HS3ST4: variants seen among roughly 807,000 people sequenced by gnomAD.
HS3ST4 encodes heparan sulfate glucosamine 3-O-sulfotransferase 4.
Under a neutral mutation model 29.2 loss-of-function variants are expected in HS3ST4, and 17 were observed. The ratio of observed to expected loss-of-function variants is 0.58; its 90% CI spans 0.40 to 0.87. The LOEUF (loss-of-function observed/expected upper bound fraction) is 0.87. HS3ST4 is among the 40% of genes least tolerant of loss of function. The probability of loss-of-function intolerance (pLI) is 0.00; values close to 1 mark genes in which losing one functional copy is unlikely to be tolerated. For missense variants in HS3ST4, 627 were observed against 634.5 expected (o/e 0.99, Z 0.13); for synonymous variants, 314 against 285.7 (o/e 1.10, Z -1.00).
chr16:25,722,593 C>T (rs563009752), intron 1 of HS3ST4, among the ~76,000 whole-genome samples: 1 of 152,176 alleles, frequency 6.6e-6, no homozygotes, highest in African/African-American at 2.4e-5. Flanking sequence ...CAGGCTATTT[C>T]AAGTGGATTT....
At chr16:26,011,484 C>T (rs1208172413) in intron 1 of HS3ST4, among the ~76,000 whole-genome samples, 1 of 152,150 alleles carries the variant, frequency 6.6e-6, no homozygotes, top group East Asian at 1.9e-4. Flanking sequence ...TGCTTGAACG[C>T]AGGATGCAGA....
intron 1 of HS3ST4, among the ~76,000 whole-genome samples, chr16:25,792,341 T>C (rs931518969): frequency 6.6e-6 from 1 of 151,990 alleles, no homozygotes; most frequent in Admixed American, 6.6e-5. Context: ...CTGTTATTTT[T>C]TTCCCTTCAG....
chr16:26,033,637 G>A (rs1459443385), intron 1 of HS3ST4, among the ~76,000 whole-genome samples: 1 of 152,072 alleles, frequency 6.6e-6, no homozygotes, highest in Non-Finnish European at 1.5e-5. Flanking sequence ...TGGGAAGCTC[G>A]CTTGAGCACA....
chr16:25,843,986 A>G (rs758873440), intron 1 of HS3ST4, among the ~76,000 whole-genome samples: 14 of 152,226 alleles, frequency 9.2e-5, no homozygotes, highest in African/African-American at 2.4e-4. Context: ...ATTTTGCTCC[A>G]GTGTAAACTT....
chr16:25,893,932 C>A (rs141690578), intron 1 of HS3ST4, among the ~76,000 whole-genome samples: 385 of 152,306 alleles, frequency 2.5e-3, no homozygotes, highest in African/African-American at 8.9e-3. Flanking sequence ...ACTTATCAGG[C>A]CAGCCAGTAG....
intron 1 of HS3ST4, among the ~76,000 whole-genome samples, chr16:25,700,284 A>G (rs1966326152): frequency 6.6e-6 from 1 of 152,158 alleles, no homozygotes; most frequent in Non-Finnish European, 1.5e-5. Flanking sequence ...GTGGACTTCC[A>G]TGCTGACATT....
rs78851357 is a variant in HS3ST4 at position 26,131,880 on chromosome 16, T to C, written c.735-3732T>C. Among the ~76,000 whole-genome samples the C allele has an allele frequency of 7.5e-3, 1,140 of 152,320 alleles. 11 individuals carry two copies. Among genetic ancestry groups the C allele is most frequent in the African/African-American group, 0.026 (1,081 of 41,556 alleles). ...ATCTATTCACTCAACAGATAGGCACTGAGAACCTGTTATTTGCCAGGACCT... is the reference window on the plus strand; with the variant it reads ...ATCTATTCACTCAACAGATAGGCACCGAGAACCTGTTATTTGCCAGGACCT... On this transcript the variant is annotated intron_variant, in intron 1 of 1. Transcript: ENST00000331351.
chr16:26,002,932 C>A (rs117219984), intron 1 of HS3ST4, among the ~76,000 whole-genome samples: 9,088 of 146,838 alleles, frequency 0.062, 351 homozygotes, highest in Non-Finnish European at 0.092. Context: ...TTCCTAGATG[C>A]ATTCTTACAT....
chr16:26,084,766 G>A (rs1301310260), intron 1 of HS3ST4, among the ~76,000 whole-genome samples: 1 of 151,088 alleles, frequency 6.6e-6, no homozygotes, highest in Non-Finnish European at 1.5e-5. Context: ...TTTAGTTGTT[G>A]TTGTTTTTTT....
chr16:25,978,119 A>G (rs1968963245), intron 1 of HS3ST4, among the ~76,000 whole-genome samples: 1 of 152,220 alleles, frequency 6.6e-6, no homozygotes, highest in East Asian at 1.9e-4. Flanking sequence ...TTTTTGACAC[A>G]AAATGGGTAC....
chr16:25,804,196 A>G (rs1417817271), intron 1 of HS3ST4, among the ~76,000 whole-genome samples: 1 of 152,182 alleles, frequency 6.6e-6, no homozygotes, highest in Non-Finnish European at 1.5e-5. Context: ...TATATTTTAT[A>G]TTTCAGGATT....
intron 1 of HS3ST4, among the ~76,000 whole-genome samples, chr16:26,024,940 A>C (rs1166343655): frequency 6.6e-6 from 1 of 152,158 alleles, no homozygotes; most frequent in Non-Finnish European, 1.5e-5. Flanking sequence ...CCAGCAAAGC[A>C]CTTGTTTGTG....
intron 1 of HS3ST4, among the ~76,000 whole-genome samples, chr16:25,877,629 A>C (rs1323164194): frequency 2.6e-5 from 4 of 152,178 alleles, no homozygotes; most frequent in African/African-American, 9.6e-5. Context: ...ATTCTTACCT[A>C]GAACCTTTGG....
At chr16:25,914,666 C>A (rs2141679910) in intron 1 of HS3ST4, among the ~76,000 whole-genome samples, 1 of 150,994 alleles carries the variant, frequency 6.6e-6, no homozygotes, top group South Asian at 2.1e-4. Context: ...GGTGTGTGGA[C>A]TTTGTGTGCT....
intron 1 of HS3ST4, among the ~76,000 whole-genome samples, chr16:25,737,744 G>A (rs1966620188): frequency 6.6e-6 from 1 of 152,032 alleles, no homozygotes; most frequent in Admixed American, 6.6e-5. Flanking sequence ...TACAAATAAA[G>A]AAACAATGTA....
intron 1 of HS3ST4, among the ~76,000 whole-genome samples, chr16:26,087,077 A>T (rs1256889261): frequency 6.6e-6 from 1 of 152,170 alleles, no homozygotes; most frequent in Non-Finnish European, 1.5e-5. Context: ...TGTTCTTCAA[A>T]CATGTTTGGG....
At chr16:25,951,460 T>C (rs968418526) in intron 1 of HS3ST4, among the ~76,000 whole-genome samples, 4 of 152,226 alleles carry the variant, frequency 2.6e-5, no homozygotes, top group Non-Finnish European at 4.4e-5. Flanking sequence ...TGTGTCTTGA[T>C]GAGGATACAA....
chr16:25,872,480 G>C (rs1967765255), intron 1 of HS3ST4, among the ~76,000 whole-genome samples: 1 of 152,232 alleles, frequency 6.6e-6, no homozygotes. Context: ...CCAAGGAGCA[G>C]GGGCTTCTGT....
chr16:25,912,547 A>G (rs1325055199), intron 1 of HS3ST4, among the ~76,000 whole-genome samples: 2 of 152,110 alleles, frequency 1.3e-5, no homozygotes, highest in East Asian at 1.9e-4. Context: ...TTATTTCTTC[A>G]TTTACCGACT....
Sources: allele counts gnomAD v4.1 joint callset (sites outside exome capture counted in the v4.1 genomes callset), GRCh38; gene constraint gnomAD v4.1.1; transcripts MANE v1.5; gene names NCBI Gene and HGNC (gene_info 2026-07-23, HGNC 2026-07-21).